The following MEGF11 variants were observed in gnomAD, a reference collection of about 807,000 sequenced individuals.
MEGF11 encodes the protein multiple EGF like domains 11, also known as multiple epidermal growth factor-like domains protein 11.
In MEGF11, 126 loss-of-function variants were observed where a neutral mutation model predicts 146.6. That is an observed-to-expected ratio of 0.86 (90% CI 0.74 to 1.00). The LOEUF (loss-of-function observed/expected upper bound fraction) is 1.00. Ranked by LOEUF, MEGF11 falls within the 50% of genes least tolerant of loss-of-function variation. The probability of loss-of-function intolerance (pLI) is 0.00; values close to 1 mark genes in which losing one functional copy is unlikely to be tolerated. For synonymous variants in MEGF11, 532 were observed against 583.4 expected (o/e 0.91, Z 1.27); for missense variants, 1,509 against 1,521.2 (o/e 0.99, Z 0.13).
At chr15:66,112,342 G>A (rs1273911969) in intron 4 of MEGF11, among the ~76,000 whole-genome samples, 1 of 152,242 alleles carries the variant, frequency 6.6e-6, no homozygotes, top group Non-Finnish European at 1.5e-5. Context: ...GGCACTCCTA[G>A]AAATGAAAAA....
At chr15:66,093,544 C>T (rs1236120379) in intron 5 of MEGF11, among the ~76,000 whole-genome samples, 1 of 152,246 alleles carries the variant, frequency 6.6e-6, no homozygotes, top group Non-Finnish European at 1.5e-5. Context: ...TACTCCAACT[C>T]AAAGCAGGAG....
chr15:65,922,708 G>T, intron 14 of MEGF11, 115 bp downstream of exon 14: 1 of 1,355,954 alleles, frequency 7.4e-7, no homozygotes. Context: ...AGGGAAGGAA[G>T]AGATGGGGGC....
At chr15:66,018,258 G>C (rs1022505833) in intron 5 of MEGF11, among the ~76,000 whole-genome samples, 3 of 152,238 alleles carry the variant, frequency 2.0e-5, no homozygotes, top group African/African-American at 7.2e-5. Flanking sequence ...TCTCATTCCA[G>C]TCACTAAGCA....
chr15:65,909,636 G>T, intron 22 of MEGF11, 104 bp downstream of exon 22: 1 of 1,178,258 alleles, frequency 8.5e-7, no homozygotes, highest in Non-Finnish European at 1.2e-6. Flanking sequence ...GGGAAACCAT[G>T]TTCAGAACTC....
intron 5 of MEGF11, among the ~76,000 whole-genome samples, chr15:66,085,415 G>C (rs1207813878): frequency 6.6e-6 from 1 of 151,564 alleles, no homozygotes; most frequent in Non-Finnish European, 1.5e-5. Flanking sequence ...GGACCCTCAT[G>C]GAGTCCATTG....
intron 1 of MEGF11, among the ~76,000 whole-genome samples, chr15:66,171,407 G>A (rs570768021): frequency 6.0e-5 from 9 of 151,236 alleles, no homozygotes; most frequent in South Asian, 2.1e-4. Context: ...TGGAGCAGAC[G>A]GAGGATGATG....
chr15:66,028,468 T>C (rs333580), intron 5 of MEGF11, among the ~76,000 whole-genome samples: 100,786 of 152,126 alleles, frequency 0.66, 34,509 homozygotes, highest in Non-Finnish European at 0.75. Context: ...AATGATCATT[T>C]TGGAAAGCAA....
At chr15:66,143,207 G>A (rs1384531826) in intron 1 of MEGF11, among the ~76,000 whole-genome samples, 1 of 152,258 alleles carries the variant, frequency 6.6e-6, no homozygotes, top group African/African-American at 2.4e-5. Context: ...GACGGTGGTG[G>A]TGGGAAGAGA....
chr15:66,154,353 T>A (rs1440539941), intron 1 of MEGF11, among the ~76,000 whole-genome samples: 1 of 152,178 alleles, frequency 6.6e-6, no homozygotes, highest in Non-Finnish European at 1.5e-5. Flanking sequence ...CTCAGCCATC[T>A]CTTCTGGGAT....
At chr15:65,958,444 G>C (rs561615139) in intron 9 of MEGF11, among the ~76,000 whole-genome samples, 35 of 149,544 alleles carry the variant, frequency 2.3e-4, no homozygotes, top group Admixed American at 4.6e-4. Context: ...GTCTATTCAT[G>C]ATCAGCGGGA....
At chr15:66,197,155 T>A (rs1157168457) in intron 1 of MEGF11, among the ~76,000 whole-genome samples, 2 of 152,246 alleles carry the variant, frequency 1.3e-5, no homozygotes, top group African/African-American at 4.8e-5. Context: ...TAAGTTCTGA[T>A]GTGAGGAAAA....
chr15:65,919,399 A>G (rs113591629), intron 15 of MEGF11, among the ~76,000 whole-genome samples: 73 of 152,378 alleles, frequency 4.8e-4, no homozygotes, highest in African/African-American at 1.6e-3. Flanking sequence ...GAATATTGCA[A>G]TAAAGCAAGT....
At chr15:66,152,398 C>T (rs2089603831) in intron 1 of MEGF11, among the ~76,000 whole-genome samples, 1 of 152,186 alleles carries the variant, frequency 6.6e-6, no homozygotes. Context: ...CCCTTCCTCT[C>T]ACTGATTCGG....
chr15:66,084,955 C>A (rs914065358), intron 5 of MEGF11, among the ~76,000 whole-genome samples: 1 of 152,062 alleles, frequency 6.6e-6, no homozygotes, highest in Non-Finnish European at 1.5e-5. Context: ...GGCTGTTGCG[C>A]GAAGGTGGCG....
chr15:65,916,359 C>T, intron 17 of MEGF11, 83 bp from the exon 18 acceptor site: 2 of 1,468,534 alleles, frequency 1.4e-6, no homozygotes, highest in Non-Finnish European at 1.8e-6. Context: ...TGTCTTCTGT[C>T]TCTTTTTTTG....
intron 10 of MEGF11, among the ~76,000 whole-genome samples, chr15:65,955,593 A>G (rs2080556847): frequency 6.7e-6 from 1 of 149,072 alleles, no homozygotes; most frequent in South Asian, 2.1e-4. Context: ...AAAATACAAA[A>G]ATTAGCTAGG....
At chr15:65,974,341 G>GT (rs2081385551) in intron 7 of MEGF11, among the ~76,000 whole-genome samples, 1 of 152,094 alleles carries the variant, frequency 6.6e-6, no homozygotes, top group South Asian at 2.1e-4. Flanking sequence ...GAGAGAATGC[G>GT]TGTGTGTGAG....
chr15:66,114,645 T>TGGAG (rs74351338), intron 4 of MEGF11, among the ~76,000 whole-genome samples: 10,970 of 151,940 alleles, frequency 0.072, 398 homozygotes, highest in Middle Eastern at 0.11. Context: ...AAGGGAAGCT[T>TGGAG]GGAGGGAGGG....
chr15:65,946,228 G>A (rs2080186778), intron 10 of MEGF11, among the ~76,000 whole-genome samples: 1 of 152,190 alleles, frequency 6.6e-6, no homozygotes, highest in Non-Finnish European at 1.5e-5. Context: ...CCTGTCTCAT[G>A]CTCACAACCG....
Sources: gnomAD v4.1 joint callset for allele counts (sites outside exome capture counted in the v4.1 genomes callset) on GRCh38, gnomAD v4.1.1 for gene constraint, MANE v1.5 for transcripts, NCBI Gene and HGNC (gene_info 2026-07-23, HGNC 2026-07-21) for gene names.